Variants in ASIC2 observed in about 807,000 individuals in gnomAD.
The protein encoded by ASIC2 is acid-sensing ion channel 2.
A neutral mutation model predicts 57.3 loss-of-function variants in ASIC2; 25 were observed. The ratio of observed to expected loss-of-function variants is 0.44; its 90% confidence interval spans 0.32 to 0.61. ASIC2 has a LOEUF of 0.61. ASIC2 is among the 20% of genes least tolerant of loss of function. The pLI, the probability that ASIC2 is intolerant of heterozygous loss-of-function variation, is 0.06. For synonymous variants in ASIC2, 319 were observed against 307.5 expected (o/e 1.04, Z -0.39); for missense variants, 641 against 738.1 (o/e 0.87, Z 1.52).
chr17:33,750,091 G>A lies in ASIC2; in HGVS notation c.555+405887C>T, dbSNP rs577866957. Among the ~76,000 whole-genome samples the A allele has an allele frequency of 1.8e-4, 28 of 152,202 alleles. No individual in the cohort carries two copies. In the South Asian group the frequency reaches 4.4e-3, roughly 24 times the overall value. ...CTCCTGTCCATTGCATATCTATTCT[G>A]TGCCAGCCACTCCGCTAGGTGTAGG... On this transcript the variant is annotated intron_variant, in intron 1 of 9. Coordinates refer to the ASIC2 transcript ENST00000359872.
intron 3 of ASIC2, among the ~76,000 whole-genome samples, chr17:33,065,893 C>T (rs866711786): frequency 3.3e-5 from 5 of 152,294 alleles, no homozygotes; most frequent in East Asian, 1.9e-4. Context: ...TCCACTTTGA[C>T]GGATGAGGCC....
chr17:33,655,743 G>A (rs2142041487), intron 1 of ASIC2, among the ~76,000 whole-genome samples: 1 of 152,274 alleles, frequency 6.6e-6, no homozygotes, highest in South Asian at 2.1e-4. Context: ...TATTTTTCAT[G>A]TCCAATAAAT....
intron 1 of ASIC2, chr17:33,291,098 G>A: frequency 2.5e-6 from 1 of 398,732 alleles, no homozygotes; most frequent in South Asian, 9.3e-5. Flanking sequence ...CGGGAAGAAG[G>A]AGGCTGACTA....
At chr17:33,746,742 C>T (rs1910280447) in intron 1 of ASIC2, among the ~76,000 whole-genome samples, 1 of 151,888 alleles carries the variant, frequency 6.6e-6, no homozygotes, top group Non-Finnish European at 1.5e-5. Context: ...AGATCTCTAC[C>T]GAGTACTCAA....
At chr17:33,289,102 T>G (rs972383887) in intron 1 of ASIC2, among the ~76,000 whole-genome samples, 16 of 152,132 alleles carry the variant, frequency 1.1e-4, no homozygotes, top group African/African-American at 3.6e-4. Flanking sequence ...CATGCAACTT[T>G]AAGGGGCTGG....
At chr17:33,864,740 G>A (rs1914188249) in intron 1 of ASIC2, among the ~76,000 whole-genome samples, 1 of 152,116 alleles carries the variant, frequency 6.6e-6, no homozygotes, top group Non-Finnish European at 1.5e-5. Flanking sequence ...CAGAGCTCAG[G>A]GAGAAACAGA....
intron 1 of ASIC2, among the ~76,000 whole-genome samples, chr17:33,737,985 A>G (rs528370947): frequency 1.3e-5 from 2 of 152,348 alleles, no homozygotes; most frequent in South Asian, 4.1e-4. Context: ...AAATGAACAA[A>G]ATAAGGAATA....
chr17:33,862,639 C>T (rs1284907738), intron 1 of ASIC2, among the ~76,000 whole-genome samples: 1 of 152,162 alleles, frequency 6.6e-6, no homozygotes, highest in Non-Finnish European at 1.5e-5. Context: ...CAGCTCTTCC[C>T]ATAATATCCA....
chr17:33,636,641 A>T (rs560438691), intron 1 of ASIC2, among the ~76,000 whole-genome samples: 6 of 152,168 alleles, frequency 3.9e-5, no homozygotes, highest in Non-Finnish European at 7.3e-5. Flanking sequence ...AGCTGAGAAG[A>T]TATTAACTGA....
intron 1 of ASIC2, among the ~76,000 whole-genome samples, chr17:34,138,724 C>T (rs911025604): frequency 6.6e-6 from 1 of 152,280 alleles, no homozygotes; most frequent in South Asian, 2.1e-4. Context: ...AGTCTAGTTG[C>T]CTTGACTACG....
At chr17:33,392,889 T>A (rs1023672398) in intron 1 of ASIC2, among the ~76,000 whole-genome samples, 1 of 152,208 alleles carries the variant, frequency 6.6e-6, no homozygotes, top group Admixed American at 6.5e-5. Context: ...AGCAGACACA[T>A]GGTAACCTAG....
At chr17:33,301,033 T>C in intron 1 of ASIC2, among the ~76,000 whole-genome samples, 1 of 90,390 alleles carries the variant, frequency 1.1e-5, no homozygotes, top group African/African-American at 4.9e-5. Context: ...TTTATTTATT[T>C]ATTTTAGAAA....
chr17:33,826,443 C>T (rs1294881834), intron 1 of ASIC2, among the ~76,000 whole-genome samples: 1 of 152,202 alleles, frequency 6.6e-6, no homozygotes, highest in African/African-American at 2.4e-5. Flanking sequence ...CAACCATATG[C>T]GAGGTCCCGT....
At chr17:33,412,043 AAC>A (rs1235315054) in intron 1 of ASIC2, among the ~76,000 whole-genome samples, 2 of 151,414 alleles carry the variant, frequency 1.3e-5, no homozygotes, top group South Asian at 2.1e-4. Context: ...AACAAAACAA[AAC>A]ACAACCAAAA....
At chr17:34,039,600 A>C in intron 1 of ASIC2, 2 of 1,613,804 alleles carry the variant, frequency 1.2e-6, no homozygotes, top group Non-Finnish European at 1.7e-6. Context: ...CGCTTCCCCC[A>C]GCAAACTCAA....
chr17:33,391,224 A>G (rs537417543), intron 1 of ASIC2, among the ~76,000 whole-genome samples: 2 of 152,190 alleles, frequency 1.3e-5, no homozygotes, highest in African/African-American at 4.8e-5. Context: ...GGATAGGATT[A>G]TTTGCAGAAT....
intron 1 of ASIC2, among the ~76,000 whole-genome samples, chr17:33,679,930 T>G (rs1907948205): frequency 6.6e-6 from 1 of 151,382 alleles, no homozygotes; most frequent in Non-Finnish European, 1.5e-5. Context: ...TGGGTTTGAG[T>G]TTGTGTAATA....
chr17:33,519,585 G>A (rs956162445), intron 1 of ASIC2, among the ~76,000 whole-genome samples: 14 of 152,106 alleles, frequency 9.2e-5, no homozygotes, highest in African/African-American at 1.9e-4. Flanking sequence ...GTTAATCAGC[G>A]CACAAGTGGG....
intron 1 of ASIC2, among the ~76,000 whole-genome samples, chr17:33,459,686 G>A (rs887111121): frequency 3.3e-5 from 5 of 152,174 alleles, no homozygotes; most frequent in East Asian, 1.9e-4. Context: ...ACACCCCTTC[G>A]TCAGTGCAGG....
Sources: gnomAD v4.1 joint callset for allele counts (sites outside exome capture counted in the v4.1 genomes callset) on GRCh38, gnomAD v4.1.1 for gene constraint, MANE v1.5 for transcripts, NCBI Gene and HGNC (gene_info 2026-07-23, HGNC 2026-07-21) for gene names.